Variants in THADA observed in about 807,000 individuals in gnomAD.
The protein encoded by THADA is tRNA (32-2'-O)-methyltransferase regulator THADA.
A neutral mutation model predicts 219.8 loss-of-function variants in THADA; 213 were observed. The observed-to-expected ratio is 0.97, with a 90% confidence interval of 0.87 to 1.09. The LOEUF is 1.09. Among genes scored for constraint, THADA ranks in the 50% least tolerant of loss-of-function variants. The pLI is 0.00. For synonymous variants in THADA, 1,018 were observed against 828.9 expected (o/e 1.23, Z -3.92); for missense variants, 2,956 against 2,311.3 (o/e 1.28, Z -5.72).
intron 31 of THADA, among the ~76,000 whole-genome samples, chr2:43,301,409 T>G (rs921088482): frequency 4.6e-5 from 7 of 152,240 alleles, no homozygotes; most frequent in African/African-American, 1.7e-4. Context: ...ATGTAAACAC[T>G]GGCTCGTTGT....
At chr2:43,586,789 A>T in intron 5 of THADA, 55 bp from the exon 6 acceptor site, 1 of 1,610,704 alleles carries the variant, frequency 6.2e-7, no homozygotes, top group East Asian at 2.2e-5. Context: ...AATCAATGTC[A>T]TTTAAAAACT....
At position 43,549,300 on chromosome 2, in the gene THADA, G is replaced by C. The variant is rs754547792; in HGVS notation, c.3016C>G (p.Gln1006Glu). The C allele has an allele frequency of 1.2e-6, 2 of 1,600,244 alleles. No homozygotes were observed. The highest frequency in any genetic ancestry group is 1.7e-6 in the Non-Finnish European group (2 of 1,173,520). ...TCATGTTCTTTCAATATTTTGGCTT[G>C]GTTAAAATAATCATTAGTATCTCGA... ...QPRDTNDYFN[Q>E]AKILKEHDSF... The change falls in exon 20 of 38, where the codon CAA (glutamine) becomes GAA (glutamate). Residue 1006 changes from glutamine (Q) to glutamate (E), a missense_variant. Gln to Glu is a conservative substitution (Grantham distance 29). Coordinates refer to ENST00000405975, the MANE Select transcript of THADA (RefSeq NM_022065.5).
At chr2:43,507,861 C>T (rs1689882065) in intron 23 of THADA, among the ~76,000 whole-genome samples, 1 of 152,094 alleles carries the variant, frequency 6.6e-6, no homozygotes, top group Admixed American at 6.6e-5. Context: ...AAAATATTTT[C>T]CCATCAATAG....
At chr2:43,521,509 T>C (rs571486078) in intron 22 of THADA, among the ~76,000 whole-genome samples, 3 of 152,130 alleles carry the variant, frequency 2.0e-5, no homozygotes, top group Non-Finnish European at 4.4e-5. Context: ...TGAGCCGAGA[T>C]TGCACCACTG....
intron 14 of THADA, among the ~76,000 whole-genome samples, chr2:43,569,634 CATAATAA>C (rs1699079457): frequency 6.6e-6 from 1 of 152,118 alleles, no homozygotes; most frequent in Admixed American, 6.6e-5. Flanking sequence ...CAAGGGCATC[CATAATAA>C]TGTTTAGAGT....
At chr2:43,418,144 G>A (rs1036339405) in intron 28 of THADA, among the ~76,000 whole-genome samples, 8 of 152,098 alleles carry the variant, frequency 5.3e-5, no homozygotes, top group Non-Finnish European at 7.4e-5. Flanking sequence ...AATATCTGTT[G>A]AGTGAATGAA....
intron 22 of THADA, among the ~76,000 whole-genome samples, chr2:43,519,927 G>A (rs1421674585): frequency 6.6e-6 from 1 of 152,160 alleles, no homozygotes; most frequent in Non-Finnish European, 1.5e-5. Flanking sequence ...TCCCCAGCAA[G>A]GAAAGATTTC....
At chr2:43,397,854 G>A in intron 29 of THADA, 117 bp downstream of exon 29, 1 of 1,064,374 alleles carries the variant, frequency 9.4e-7, no homozygotes. Context: ...AAAAAAAAAA[G>A]TTCTACAGAT....
At chr2:43,252,031 C>T (rs1177797592) in intron 36 of THADA, among the ~76,000 whole-genome samples, 2 of 152,172 alleles carry the variant, frequency 1.3e-5, no homozygotes, top group African/African-American at 2.4e-5. Context: ...CCTTCTGCCA[C>T]TCCTAGATAA....
chr2:43,594,570 G>C (rs1401118065), intron 1 of THADA, among the ~76,000 whole-genome samples: 1 of 148,488 alleles, frequency 6.7e-6, no homozygotes, highest in Non-Finnish European at 1.5e-5. Context: ...GGAGACAAGA[G>C]CGAAACTCCA....
intron 28 of THADA, among the ~76,000 whole-genome samples, chr2:43,413,377 T>C (rs771939720): frequency 6.6e-6 from 1 of 152,098 alleles, no homozygotes; most frequent in Non-Finnish European, 1.5e-5. Context: ...GAATCGTAAG[T>C]CAGCAGTCTG....
At position 43,590,909 on chromosome 2, in the gene THADA, G is replaced by T. The variant is rs376725588; in HGVS notation, c.217C>A (p.Pro73Thr). ...ATATCCAAACAACTTTGAATAGTGG[G>T]ATCACACATGCCATTTTTATCTGCT... ...EKADKNGMCDPTIQSCLDILA... is the reference protein window; with the variant it reads ...EKADKNGMCDTTIQSCLDILA... Residue 73 changes from proline to threonine, a missense_variant, in exon 4 of 38, where the codon CCC (proline) becomes ACC (threonine). Pro to Thr is a conservative substitution (Grantham distance 38, BLOSUM62 -1). Transcript: ENST00000405975. 1 of 1,613,386 alleles carries T rather than the reference G, an allele frequency of 6.2e-7. No individual in the cohort carries two copies. The highest frequency in any genetic ancestry group is 1.3e-5 in the African/African-American group (1 of 74,874).
At chr2:43,346,455 T>C (rs768889600) in intron 29 of THADA, among the ~76,000 whole-genome samples, 7 of 152,072 alleles carry the variant, frequency 4.6e-5, no homozygotes, top group Non-Finnish European at 8.8e-5. Flanking sequence ...TCTTAAAGGA[T>C]GGCAAGTAGC....
At chr2:43,371,680 T>A (rs1020848320) in intron 29 of THADA, among the ~76,000 whole-genome samples, 1 of 152,344 alleles carries the variant, frequency 6.6e-6, no homozygotes, top group South Asian at 2.1e-4. Flanking sequence ...CCTGAATGCA[T>A]CAACTCCTTG....
intron 29 of THADA, among the ~76,000 whole-genome samples, chr2:43,368,793 TCAAA>T (rs1314709329): frequency 1.3e-5 from 2 of 152,138 alleles, no homozygotes; most frequent in Non-Finnish European, 2.9e-5. Flanking sequence ...CCACCTCAAC[TCAAA>T]CATAGTTTTT....
intron 29 of THADA, among the ~76,000 whole-genome samples, chr2:43,367,314 T>C (rs1016141068): frequency 6.6e-6 from 1 of 152,184 alleles, no homozygotes; most frequent in Non-Finnish European, 1.5e-5. Context: ...ATGGTTAAGA[T>C]AGTAAATTTT....
intron 25 of THADA, among the ~76,000 whole-genome samples, chr2:43,498,493 A>C (rs1346068863): frequency 2.0e-5 from 3 of 152,208 alleles, no homozygotes; most frequent in African/African-American, 7.2e-5. Context: ...GATTGGGAGG[A>C]GAGAAACAGA....
rs556887071 is a variant in THADA, at chr2:43,286,674, G to A, written c.5164+234C>T. On this transcript the variant is annotated intron_variant, in intron 35 of 37. Coordinates refer to ENST00000405975, the MANE Select transcript of THADA (RefSeq NM_022065.5). ...CAGGAGGTGGAGGTTGCACTAAGCC[G>A]AGATCGTACCACTGCACTCCAGCCT... Among the ~76,000 whole-genome samples the A allele has an allele frequency of 5.3e-5, 8 of 152,082 alleles. No homozygotes were observed. In the South Asian group the frequency reaches 8.3e-4, roughly 16 times the overall value.
At chr2:43,437,655 G>A (rs1680288950) in intron 26 of THADA, among the ~76,000 whole-genome samples, 1 of 152,194 alleles carries the variant, frequency 6.6e-6, no homozygotes, top group African/African-American at 2.4e-5. Flanking sequence ...TGAGAGACAA[G>A]ATGAGTTACT....
Sources: allele counts gnomAD v4.1 joint callset (sites outside exome capture counted in the v4.1 genomes callset), GRCh38; gene constraint gnomAD v4.1.1; transcripts MANE v1.5; gene names NCBI Gene and HGNC (gene_info 2026-07-23, HGNC 2026-07-21).